The following TCF4 variants were observed in gnomAD, a reference collection of about 807,000 sequenced individuals.
TCF4 encodes SL3-3 enhancer factor 2.
TCF4 carries 3 observed loss-of-function variants against 82.1 expected under a neutral mutation model. That is an observed-to-expected ratio of 0.04 (90% CI 0.02 to 0.09). The LOEUF is 0.09. Among genes scored for constraint, TCF4 ranks in the 10% least tolerant of loss-of-function variants. The pLI, the probability that TCF4 is intolerant of heterozygous loss-of-function variation, is 1.00. For synonymous variants in TCF4, 276 were observed against 309.6 expected (o/e 0.89, Z 1.14); for missense variants, 518 against 852.7 (o/e 0.61, Z 4.89).
At position 55,398,230 on chromosome 18, in the gene TCF4, TC is replaced by T. The variant is rs575423422; in HGVS notation, c.369+5223del. On this transcript the variant is annotated intron_variant, in intron 6 of 19. Coordinates refer to ENST00000354452, the MANE Select transcript of TCF4 (RefSeq NM_001083962.2). ...AAAGAAGGGTATATACCCATAACAA[TC>T]CCCCAAAATGAATAAGCCGCTGCCC... Among the ~76,000 whole-genome samples, 129 of 151,862 alleles carry T rather than the reference TC, an allele frequency of 8.5e-4. 1 individual carries two copies. Among genetic ancestry groups the T allele is most frequent in the African/African-American group, 2.9e-3 (118 of 41,400 alleles).
intron 8 of TCF4, among the ~76,000 whole-genome samples, chr18:55,296,565 G>A (rs1445532488): frequency 6.6e-6 from 1 of 152,110 alleles, no homozygotes; most frequent in Non-Finnish European, 1.5e-5. Context: ...TACCTGCAGT[G>A]GTTTTTGGCT....
intron 4 of TCF4, among the ~76,000 whole-genome samples, chr18:55,461,978 G>C (rs1228190018): frequency 6.6e-6 from 1 of 151,894 alleles, no homozygotes; most frequent in Non-Finnish European, 1.5e-5. Context: ...GACCAAAAAG[G>C]GGGGAAAAAG....
intron 2 of TCF4, among the ~76,000 whole-genome samples, chr18:55,617,847 G>GTGTT (rs936359709): frequency 6.7e-6 from 1 of 150,006 alleles, no homozygotes; most frequent in Non-Finnish European, 1.5e-5. Flanking sequence ...GTGTGTGTGT[G>GTGTT]TGTAGTCTTT....
At chr18:55,228,176 G>C (rs1389757751) in intron 19 of TCF4, 45 bp downstream of exon 19, 7 of 1,612,516 alleles carry the variant, frequency 4.3e-6, no homozygotes, top group Non-Finnish European at 5.9e-6. Context: ...ACACTGATGA[G>C]AGTTTTGAAT....
At chr18:55,385,882 C>G (rs1253450815) in intron 6 of TCF4, among the ~76,000 whole-genome samples, 1 of 152,234 alleles carries the variant, frequency 6.6e-6, no homozygotes, top group Non-Finnish European at 1.5e-5. Context: ...TCAAGGCAAT[C>G]AGGCCATCGC....
At chr18:55,468,996 T>A (rs1307705491) in intron 3 of TCF4, among the ~76,000 whole-genome samples, 1 of 151,838 alleles carries the variant, frequency 6.6e-6, no homozygotes, top group African/African-American at 2.4e-5. Context: ...GAAATTCCTG[T>A]TCCAAAAGAC....
chr18:55,580,578 T>C (rs141423139), intron 3 of TCF4, among the ~76,000 whole-genome samples: 2 of 152,136 alleles, frequency 1.3e-5, no homozygotes, highest in Admixed American at 1.3e-4. Context: ...GGGTAGTTTA[T>C]TTGGATACAA....
chr18:55,304,206 G>A (rs2069371659), intron 8 of TCF4, among the ~76,000 whole-genome samples: 1 of 152,144 alleles, frequency 6.6e-6, no homozygotes, highest in Non-Finnish European at 1.5e-5. Context: ...AAGTGGCCAA[G>A]GTGGTCTGCA....
chr18:55,561,422 CA>C (rs2097353990), intron 3 of TCF4, among the ~76,000 whole-genome samples: 1 of 152,184 alleles, frequency 6.6e-6, no homozygotes, highest in African/African-American at 2.4e-5. Flanking sequence ...TGGCTCAATA[CA>C]TTGGCAAAAT....
intron 2 of TCF4, among the ~76,000 whole-genome samples, chr18:55,625,666 A>G (rs2097725858): frequency 6.6e-6 from 1 of 152,032 alleles, no homozygotes; most frequent in Admixed American, 6.6e-5. Context: ...CAAAGAATGT[A>G]TTTTCTGATA....
intron 11 of TCF4, chr18:55,265,363 CA>C (rs2058907027): frequency 6.6e-6 from 1 of 152,042 alleles, no homozygotes; most frequent in East Asian, 1.9e-4. Context: ...ATAAAGATGA[CA>C]AAAAGAAGGA....
chr18:55,422,546 A>G lies in TCF4; in HGVS notation c.305-19028T>C, dbSNP rs1457788064. The stretch of plus-strand genomic sequence containing the variant: ...GGCTAACACTCATCACATGTTTCCT[A>G]TGATGGAAATTTAGGGGGGTGGTTT... On this transcript the variant is annotated intron_variant, in intron 5 of 19. Coordinates refer to ENST00000354452, the MANE Select transcript of TCF4 (RefSeq NM_001083962.2). 4.2e-5 allele frequency: 35 copies of G among 832,580 alleles called. No homozygotes were observed. In the South Asian group the frequency reaches 1.7e-3, roughly 39 times the overall value. The allele number at this position is 832,580 out of a possible 1,614,324, so 51.6% of individuals were successfully genotyped here. A position where few individuals can be genotyped will look rare whatever the true frequency, so the allele number is the denominator to read the frequency against.
At chr18:55,406,686 C>G (rs2146570749) in intron 5 of TCF4, among the ~76,000 whole-genome samples, 1 of 152,298 alleles carries the variant, frequency 6.6e-6, no homozygotes, top group Non-Finnish European at 1.5e-5. Flanking sequence ...CTTATACCAA[C>G]TGGCTGGCGC....
intron 8 of TCF4, among the ~76,000 whole-genome samples, chr18:55,318,060 G>A (rs970887443): frequency 2.6e-5 from 4 of 152,020 alleles, no homozygotes; most frequent in Non-Finnish European, 5.9e-5. Context: ...TTCTCTCTAC[G>A]GTTTAACACA....
intron 5 of TCF4, chr18:55,423,425 GCGCA>G (rs35538327): frequency 0.075 from 10,588 of 141,568 alleles, 460 homozygotes; most frequent in African/African-American, 0.13. Context: ...ACACGCGCGC[GCGCA>G]CACACACACA....
chr18:55,360,830 C>T (rs1480176674), intron 6 of TCF4, among the ~76,000 whole-genome samples: 4 of 148,224 alleles, frequency 2.7e-5, no homozygotes, highest in African/African-American at 5.0e-5. Flanking sequence ...CAGGTTCAAG[C>T]GACTCTCCTG....
intron 5 of TCF4, among the ~76,000 whole-genome samples, chr18:55,450,981 C>A (rs1484988668): frequency 1.3e-5 from 2 of 152,158 alleles, no homozygotes; most frequent in African/African-American, 2.4e-5. Context: ...AAATATTTCA[C>A]AAAAGGGAGC....
intron 10 of TCF4, among the ~76,000 whole-genome samples, chr18:55,274,567 A>G (rs2061086045): frequency 1.3e-5 from 2 of 152,222 alleles, no homozygotes; most frequent in Admixed American, 6.6e-5. Context: ...ACATGAATCC[A>G]GAATGATTTC....
chr18:55,416,123 T>G (rs566365533), intron 5 of TCF4, among the ~76,000 whole-genome samples: 3 of 152,334 alleles, frequency 2.0e-5, no homozygotes, highest in Admixed American at 2.0e-4. Context: ...CTCACAGCTA[T>G]GTATGTACAC....
Sources: gnomAD v4.1 joint callset for allele counts (sites outside exome capture counted in the v4.1 genomes callset) on GRCh38, gnomAD v4.1.1 for gene constraint, MANE v1.5 for transcripts, NCBI Gene and HGNC (gene_info 2026-07-23, HGNC 2026-07-21) for gene names.